Variants in LNX1 observed in about 807,000 individuals in gnomAD.
The protein encoded by LNX1 is E3 ubiquitin-protein ligase LNX.
LNX1 carries 54 observed loss-of-function variants against 68.4 expected under a neutral mutation model. The ratio of observed to expected loss-of-function variants is 0.79; its 90% confidence interval spans 0.63 to 0.99. LNX1 has a LOEUF of 0.99. Among genes scored for constraint, LNX1 ranks in the 50% least tolerant of loss-of-function variants. The pLI, the probability that LNX1 is intolerant of heterozygous loss-of-function variation, is 0.00. For synonymous variants in LNX1, 336 were observed against 350.0 expected (o/e 0.96, Z 0.45); for missense variants, 906 against 926.4 (o/e 0.98, Z 0.29).
At chr4:53,632,703 T>C (rs373438400) in intron 1 of LNX1, among the ~76,000 whole-genome samples, 1 of 152,164 alleles carries the variant, frequency 6.6e-6, no homozygotes, top group East Asian at 1.9e-4. Context: ...AACTATGCCA[T>C]GGGGAACCAT....
intron 1 of LNX1, among the ~76,000 whole-genome samples, chr4:53,647,538 T>A (rs1270509639): frequency 2.0e-5 from 3 of 152,206 alleles, no homozygotes; most frequent in Non-Finnish European, 4.4e-5. Flanking sequence ...GTCTGCTATT[T>A]TCCCAAGAAT....
At chr4:53,570,494 T>G (rs1731068415) in intron 2 of LNX1, among the ~76,000 whole-genome samples, 2 of 112,386 alleles carry the variant, frequency 1.8e-5, no homozygotes, top group South Asian at 3.1e-4. Context: ...AAGGGGAACA[T>G]CACACTCTGG....
upstream of LNX1, among the ~76,000 whole-genome samples, chr4:53,621,827 T>C (rs181428278): frequency 7.9e-5 from 12 of 152,318 alleles, no homozygotes; most frequent in East Asian, 2.1e-3. Flanking sequence ...GGATTCTAAG[T>C]CTGGTGCCAG....
At chr4:53,652,216 T>C (rs914243233) in exon 1 of LNX1, 6 of 152,226 alleles carry the variant, frequency 3.9e-5, no homozygotes, top group African/African-American at 9.7e-5. Flanking sequence ...TCTCAGGAGA[T>C]AGTCCGTTTG....
chr4:53,554,955 C>G (rs1729797270), intron 2 of LNX1, among the ~76,000 whole-genome samples: 1 of 152,140 alleles, frequency 6.6e-6, no homozygotes, highest in Non-Finnish European at 1.5e-5. Flanking sequence ...GTTCCAGCGT[C>G]TGAGCTGGGC....
At position 53,460,829 on chromosome 4, in the gene LNX1, A is replaced by G; in HGVS notation, c.*78T>C. The stretch of plus-strand genomic sequence containing the variant: ...ATGTATTCTTTCTTTAAATATAAAA[A>G]CTGACAAGATAAATATAGTGTTTCA... On this transcript the variant is annotated 3_prime_UTR_variant, in exon 11 of 11. Coordinates refer to ENST00000263925, the MANE Select transcript of LNX1 (RefSeq NM_001126328.3). 1 of 1,318,352 alleles carries G rather than the reference A, an allele frequency of 7.6e-7. No individual in the cohort carries two copies. Among genetic ancestry groups the G allele is most frequent in the Non-Finnish European group, 1.0e-6 (1 of 954,754 alleles). 81.7% of individuals were successfully genotyped at this position (1,318,352 alleles called of 1,614,324 possible).
intron 6 of LNX1, among the ~76,000 whole-genome samples, chr4:53,488,944 GA>G (rs961412067): frequency 3.3e-5 from 5 of 151,880 alleles, no homozygotes; most frequent in African/African-American, 9.7e-5. Flanking sequence ...AACTTCCAGG[GA>G]AAAAAAATCC....
chr4:53,584,009 G>A (rs73147485), intron 1 of LNX1, among the ~76,000 whole-genome samples: 27,218 of 151,984 alleles, frequency 0.18, 2,476 homozygotes, highest in Admixed American at 0.25. Flanking sequence ...GCATTGATTC[G>A]GAGCTCTGTT....
Position 53,460,014 on chromosome 4 carries a change from T to TTAA in LNX1, c.*890_*892dup, listed in dbSNP as rs1176346680. ...AATGGGGTACACTTTCATATCCAAA[T>TTAA]TAATAAAACCTATAAGGCATCTGGG... On this transcript the variant is annotated 3_prime_UTR_variant, in exon 11 of 11. Coordinates refer to ENST00000263925, the MANE Select transcript of LNX1 (RefSeq NM_001126328.3). 1 of 208,364 alleles carries TTAA rather than the reference T, an allele frequency of 4.8e-6. No homozygotes were observed. Among genetic ancestry groups the TTAA allele is most frequent in the Non-Finnish European group, 9.7e-6 (1 of 102,852 alleles). The allele number at this position is 208,364 out of a possible 1,614,324, so 12.9% of individuals were successfully genotyped here.
chr4:53,580,350 A>G (rs1731757529), intron 1 of LNX1, among the ~76,000 whole-genome samples: 1 of 152,160 alleles, frequency 6.6e-6, no homozygotes, highest in African/African-American at 2.4e-5. Flanking sequence ...TTTCTTTCAC[A>G]TCCAAATCTC....
chr4:53,513,018 T>C (rs1214489135), intron 2 of LNX1, among the ~76,000 whole-genome samples: 3 of 152,160 alleles, frequency 2.0e-5, no homozygotes, highest in Non-Finnish European at 4.4e-5. Context: ...CACATCTCCA[T>C]GGCTTTGCAA....
chr4:53,541,315 G>C (rs1436276792), intron 2 of LNX1, among the ~76,000 whole-genome samples: 1 of 151,988 alleles, frequency 6.6e-6, no homozygotes, highest in African/African-American at 2.4e-5. Context: ...GACTTGGCAA[G>C]ATCATGTCAA....
intron 1 of LNX1, among the ~76,000 whole-genome samples, chr4:53,581,939 C>A (rs1460015121): frequency 6.6e-6 from 1 of 152,140 alleles, no homozygotes; most frequent in African/African-American, 2.4e-5. Flanking sequence ...ATCTTTTGTT[C>A]ATCATGGATT....
intron 1 of LNX1, among the ~76,000 whole-genome samples, chr4:53,631,103 A>G (rs1317886478): frequency 6.6e-6 from 1 of 152,076 alleles, no homozygotes; most frequent in Non-Finnish European, 1.5e-5. Flanking sequence ...TGTGTGAGGG[A>G]TAGAGGAGGA....
Position 53,501,305 on chromosome 4 carries a change from T to TA in LNX1, c.776-2463_776-2462insT, listed in dbSNP as rs1725476327. Among the ~76,000 whole-genome samples the TA allele has an allele frequency of 3.4e-5, 3 of 88,812 alleles. 1 individual carries two copies. The highest frequency in any genetic ancestry group is 1.3e-4 in the African/African-American group (3 of 22,926). The allele number at this position is 88,812 out of a possible 152,430, so 58.3% of individuals were successfully genotyped here. ...TCTTTTTTTTTTTTTTTTTTGGGGGTGGGGGGACAGGATCTCACTCTGTCA... is the reference window on the plus strand; with the variant it reads ...TCTTTTTTTTTTTTTTTTTTGGGGGTAGGGGGGACAGGATCTCACTCTGTCA... On this transcript the variant is annotated intron_variant, in intron 4 of 10. Transcript: ENST00000263925.
intron 2 of LNX1, among the ~76,000 whole-genome samples, chr4:53,597,158 T>C (rs1732789043): frequency 6.6e-6 from 1 of 152,200 alleles, no homozygotes; most frequent in South Asian, 2.1e-4. Flanking sequence ...TGAGTGCCTC[T>C]ACCTATGTAT....
chr4:53,478,660 GC>G lies in LNX1; in HGVS notation c.1567del (p.Ala523GlnfsTer24). ...CCATTCTCTATGTGATGCTCCCCCT[GC>G]GACGGTCATGCCGAGAGATTCACCG... ...DPGESLGMTVAGGASHREWDL... is the reference protein window; with the variant it reads ...DPGESLGMTVXGGASHREWDL... On this transcript the variant is annotated frameshift_variant, in exon 8 of 11. Transcript: ENST00000263925. LOFTEE classifies it high-confidence loss of function. 1 of 1,614,048 alleles carries G rather than the reference GC, an allele frequency of 6.2e-7. No individual in the cohort carries two copies. The highest frequency in any genetic ancestry group is 8.5e-7 in the Non-Finnish European group (1 of 1,179,976).
At chr4:53,621,645 G>C (rs1457296552), upstream of LNX1, among the ~76,000 whole-genome samples, 1 of 152,180 alleles carries the variant, frequency 6.6e-6, no homozygotes, top group East Asian at 1.9e-4. Flanking sequence ...GACAGAATCA[G>C]ACAATCAGAC....
At chr4:53,578,365 A>G (rs1731627328) in intron 1 of LNX1, among the ~76,000 whole-genome samples, 1 of 152,254 alleles carries the variant, frequency 6.6e-6, no homozygotes, top group African/African-American at 2.4e-5. Flanking sequence ...CTGACTATAC[A>G]CCATATAGAT....
Sources: gnomAD v4.1 joint callset for allele counts (sites outside exome capture counted in the v4.1 genomes callset) on GRCh38, gnomAD v4.1.1 for gene constraint, MANE v1.5 for transcripts, NCBI Gene and HGNC (gene_info 2026-07-23, HGNC 2026-07-21) for gene names.